Variants in NAA80 observed in about 807,000 individuals in gnomAD.
The protein encoded by NAA80 is N-alpha-acetyltransferase 80, NatH catalytic subunit.
Under a neutral mutation model 8.7 loss-of-function variants are expected in NAA80, and 5 were observed. The observed-to-expected ratio is 0.58, with a 90% CI of 0.30 to 1.21. The LOEUF (loss-of-function observed/expected upper bound fraction) is 1.21, where lower values mean the gene tolerates loss of function less well. Ranked by LOEUF, NAA80 falls within the 50% of genes most tolerant of loss-of-function variation. NAA80 has a pLI of 0.07. For synonymous variants in NAA80, 149 were observed against 156.6 expected, an observed-to-expected ratio of 0.95 and a Z score of 0.36; for missense variants, 360 against 368.6, an observed-to-expected ratio of 0.98 and a Z score of 0.19.
Position 50,296,620 on chromosome 3 carries a change from T to C in NAA80, c.844A>G (p.Met282Val), listed in dbSNP as rs370006421. ...QNVRGRPIFWMEKDI is the reference protein window; with the variant it reads ...QNVRGRPIFWVEKDI ...GGATGGCCTCAGATGTCTTTTTCCA[T>C]CCAGAATATGGGGCGCCCCCTCACA... is the stretch of plus-strand genomic sequence containing the variant. Residue 282 changes from methionine to valine, a missense_variant, in exon 2 of 2, where the codon ATG becomes GTG. Transcript: ENST00000443094. 39 of 1,613,848 alleles carry C rather than the reference T, an allele frequency of 2.4e-5. No individual in the cohort carries two copies. Among genetic ancestry groups the C allele is most frequent in the South Asian group, 4.4e-5 (4 of 91,076 alleles).
rs1701908363 is a variant in NAA80, at chr3:50,297,638, C to T, written c.-175G>A. On this transcript the variant is annotated 5_prime_UTR_variant, in exon 2 of 2. Coordinates refer to ENST00000443094, the MANE Select transcript of NAA80 (RefSeq NM_001200016.2). This position sits in a 1 kb window ranked among gnomAD's most constrained non-coding sequence, Gnocchi z 4.3. ...GGAGGTTAAGACCCCAGTCTCCAGG[C>T]AGTAGCATCTCTTCAGACCACAGTG... 6.9e-7 allele frequency: 1 copy of T among 1,451,358 alleles called. No individual in the cohort carries two copies. Among genetic ancestry groups the T allele is most frequent in the Non-Finnish European group, 9.0e-7 (1 of 1,107,642 alleles). 89.9% of individuals were successfully genotyped at this position (1,451,358 alleles called of 1,614,324 possible).
In NAA80 at chr3:50,297,349, T is replaced by G. The variant is rs587741919; in HGVS notation, c.115A>C (p.Thr39Pro). ...QPEMTFNPGP[T>P]ELTLDPEHQP... is the part of the protein sequence containing the mutation. ...TGTTCAGGATCCAGGGTAAGCTCAG[T>G]TGGACCAGGATTGAAGGTCATCTCT... Residue 39 changes from threonine to proline, a missense_variant, in exon 2 of 2, where the codon ACT (threonine) becomes CCT (proline). Coordinates refer to ENST00000443094, the MANE Select transcript of NAA80 (RefSeq NM_001200016.2). This position sits in a 1 kb window ranked among gnomAD's most constrained non-coding sequence, Gnocchi z 4.3. 3.7e-6 allele frequency: 6 copies of G among 1,611,630 alleles called. No homozygotes were observed. Among genetic ancestry groups the G allele is most frequent in the Non-Finnish European group, 5.1e-6 (6 of 1,178,672 alleles).
Position 50,299,344 on chromosome 3 carries a change from T to C in NAA80, c.-341A>G. On this transcript the variant is annotated 5_prime_UTR_variant, in exon 1 of 2. Transcript: ENST00000443094. ...CGGTGCGGCGGATGTTCTGCAGCCG[T>C]CGCGTCCTGCGGCACGCCACGGCGT... is the stretch of plus-strand genomic sequence containing the variant. 1.9e-6 allele frequency: 3 copies of C among 1,572,584 alleles called. No individual in the cohort carries two copies. The highest frequency in any genetic ancestry group is 2.6e-6 in the Non-Finnish European group (3 of 1,161,610).
In NAA80 at chr3:50,297,595, G is replaced by T; in HGVS notation, c.-132C>A. The T allele has an allele frequency of 6.7e-7, 1 of 1,488,676 alleles. No homozygotes were observed. The highest frequency in any genetic ancestry group is 2.4e-5 in the East Asian group (1 of 42,434). The allele number at this position is 1,488,676 out of a possible 1,614,324, so 92.2% of individuals were successfully genotyped here. On this transcript the variant is annotated 5_prime_UTR_variant, in exon 2 of 2. Coordinates refer to ENST00000443094, the MANE Select transcript of NAA80 (RefSeq NM_001200016.2). This position sits in a 1 kb window ranked among gnomAD's most constrained non-coding sequence, Gnocchi z 4.3. ...AAGGTCACCTGCTGCTAGGTTGCAG[G>T]TGGCTCAGTGCCAGGCTGGAGGTTA...
chr3:50,299,398 C>A lies in NAA80; in HGVS notation c.-395G>T. ...AAGGCCTCCCAGCACCCGCGCGTCG[C>A]CGCTTAGAACCCGCCCCTGGTTTGC... On this transcript the variant is annotated 5_prime_UTR_variant, in exon 1 of 2. Transcript: ENST00000443094. 7.5e-7 allele frequency: 1 copy of A among 1,331,462 alleles called. No homozygotes were observed. Among genetic ancestry groups the A allele is most frequent in the Non-Finnish European group, 1.0e-6 (1 of 975,490 alleles). The allele number at this position is 1,331,462 out of a possible 1,614,324, so 82.5% of individuals were successfully genotyped here.
intron 1 of NAA80, 185 bp downstream of exon 1, chr3:50,299,028 T>A (rs1391960940): frequency 2.0e-6 from 3 of 1,526,806 alleles, no homozygotes; most frequent in African/African-American, 2.7e-5. Flanking sequence ...TCCTAGTGGG[T>A]CACAGGCTGT....
Position 50,297,423 on chromosome 3 carries a change from A to C in NAA80, c.41T>G (p.Leu14Arg), listed in dbSNP as rs782213113. The C allele has an allele frequency of 6.2e-7, 1 of 1,613,012 alleles. No homozygotes were observed. Among genetic ancestry groups the C allele is most frequent in the South Asian group, 1.1e-5 (1 of 90,874 alleles). Residue 14 changes from leucine to arginine, a missense_variant, in exon 2 of 2, where the codon CTG becomes CGG. Physicochemically the swap from Leu to Arg is moderately radical, Grantham distance 102. Transcript: ENST00000443094. This position sits in a 1 kb window ranked among gnomAD's most constrained non-coding sequence, Gnocchi z 4.3. ...CAGCTTTGGCTGGCACGCAGGATCC[A>C]GAGTCAGCTCAGCTGGGCTGGTACT... ...ILSTSPAELTLDPACQPKLPL... is the reference protein window; with the variant it reads ...ILSTSPAELTRDPACQPKLPL...
Position 50,296,583 on chromosome 3 carries a change from G to A in NAA80, c.*20C>T. The A allele has an allele frequency of 6.2e-7, 1 of 1,612,344 alleles. No homozygotes were observed. Among genetic ancestry groups the A allele is most frequent in the Non-Finnish European group, 8.5e-7 (1 of 1,178,930 alleles). ...GGCAGTCTATTGAACCAGAAAGACA[G>A]TTCCTTGCCCTGGATGGCCTCAGAT... is the stretch of plus-strand genomic sequence containing the variant. On this transcript the variant is annotated 3_prime_UTR_variant, in exon 2 of 2. Transcript: ENST00000443094.
At chr3:50,298,896 G>A (rs1428927350) in intron 1 of NAA80, 3 of 1,343,238 alleles carry the variant, frequency 2.2e-6, no homozygotes, top group Admixed American at 3.2e-5. Context: ...CCCTAGGGCT[G>A]AGCCCGGGGC....
chr3:50,298,797 T>G, intron 1 of NAA80: 1 of 1,111,932 alleles, frequency 9.0e-7, no homozygotes, highest in Non-Finnish European at 1.1e-6. Flanking sequence ...TCCCACACCA[T>G]TCACAGGGCT....
chr3:50,298,777 T>G, intron 1 of NAA80: 5 of 1,067,112 alleles, frequency 4.7e-6, no homozygotes, highest in Non-Finnish European at 5.7e-6. Flanking sequence ...GGCACCCCCC[T>G]CCCCTCACCT....
At chr3:50,298,199 A>G in intron 1 of NAA80, 1 of 687,360 alleles carries the variant, frequency 1.5e-6, no homozygotes, top group Non-Finnish European at 1.8e-6. Context: ...TCTTCTCCCT[A>G]TGTTCCGAGT....
chr3:50,298,900 C>T (rs984779501), intron 1 of NAA80: 3 of 1,349,084 alleles, frequency 2.2e-6, no homozygotes, highest in Non-Finnish European at 2.9e-6. Context: ...AGGGCTGAGC[C>T]CGGGGCTTCC....
rs935729356 is a variant in NAA80 at position 50,299,355 on chromosome 3, G to A, written c.-352C>T. ...ATGTTCTGCAGCCGTCGCGTCCTGC[G>A]GCACGCCACGGCGTTCTAAGGCCTC... On this transcript the variant is annotated 5_prime_UTR_variant, in exon 1 of 2. Coordinates refer to ENST00000443094, the MANE Select transcript of NAA80 (RefSeq NM_001200016.2). The A allele has an allele frequency of 1.3e-5, 20 of 1,546,278 alleles. No homozygotes were observed. Among genetic ancestry groups the A allele is most frequent in the Non-Finnish European group, 1.7e-5 (20 of 1,146,344 alleles).
At position 50,296,944 on chromosome 3, in the gene NAA80, G is replaced by C. The variant is rs1553711309; in HGVS notation, c.520C>G (p.Leu174Val). 1 of 1,606,180 alleles carries C rather than the reference G, an allele frequency of 6.2e-7. No homozygotes were observed. Among genetic ancestry groups the C allele is most frequent in the Non-Finnish European group, 8.5e-7 (1 of 1,177,558 alleles). The change falls in exon 2 of 2, where the codon CTC (leucine) becomes GTC (valine). Residue 174 changes from leucine (L) to valine (V), a missense_variant. Transcript: ENST00000443094. ...AAGTGCACCTGGTCATGGGTGGTGAGATGCAGCTTGCGGAAGCCCCGGGCC... is the reference window on the plus strand; with the variant it reads ...AAGTGCACCTGGTCATGGGTGGTGACATGCAGCTTGCGGAAGCCCCGGGCC... ...ARARGFRKLH[L>V]TTHDQVHFYT...
chr3:50,297,294 A>T lies in NAA80; in HGVS notation c.170T>A (p.Leu57Gln). 1 of 1,603,970 alleles carries T rather than the reference A, an allele frequency of 6.2e-7. No homozygotes were observed. The highest frequency in any genetic ancestry group is 1.1e-5 in the South Asian group (1 of 90,072). Reference protein sequence around the residue: ...HQPEETPAPSLAELTLEPVHR... With the variant: ...HQPEETPAPSQAELTLEPVHR... ...CACAGGCTCCAGGGTCAACTCAGCC[A>T]GGCTAGGAGCTGGGGTCTCCTCTGG... is the stretch of plus-strand genomic sequence containing the variant. The change falls in exon 2 of 2, where the codon CTG becomes CAG. Residue 57 changes from leucine to glutamine, a missense_variant. Transcript: ENST00000443094. This position sits in a 1 kb window ranked among gnomAD's most constrained non-coding sequence, Gnocchi z 4.3.
intron 1 of NAA80, chr3:50,298,837 T>A: frequency 8.2e-7 from 1 of 1,213,696 alleles, no homozygotes; most frequent in Non-Finnish European, 1.0e-6. Context: ...CAGCCACCTC[T>A]GCAGCAGCCG....
Position 50,296,944 on chromosome 3 carries a change from G to GTC in NAA80, c.519_520insGA (p.Leu174AspfsTer55). On this transcript the variant is annotated frameshift_variant, in exon 2 of 2. Coordinates refer to ENST00000443094, the MANE Select transcript of NAA80 (RefSeq NM_001200016.2). LOFTEE classifies it low-confidence loss of function (END_TRUNC). Reference sequence around the variant, plus strand: ...AAGTGCACCTGGTCATGGGTGGTGAGATGCAGCTTGCGGAAGCCCCGGGCC... The same window carrying GTC: ...AAGTGCACCTGGTCATGGGTGGTGAGTCATGCAGCTTGCGGAAGCCCCGGGCC... 1 of 1,606,298 alleles carries GTC rather than the reference G, an allele frequency of 6.2e-7. No homozygotes were observed. Among genetic ancestry groups the GTC allele is most frequent in the Middle Eastern group, 1.7e-4 (1 of 5,978 alleles).
chr3:50,299,264 G>A lies in NAA80; in HGVS notation c.-261C>T. 1.9e-6 allele frequency: 3 copies of A among 1,613,902 alleles called. No homozygotes were observed. The highest frequency in any genetic ancestry group is 2.2e-5 in the East Asian group (1 of 44,876). On this transcript the variant is annotated 5_prime_UTR_variant, in exon 1 of 2. Coordinates refer to ENST00000443094, the MANE Select transcript of NAA80 (RefSeq NM_001200016.2). ...CCGCGTCCTAGCTCCGCACAGCTGGGTATCTCACTCAGTCGCCACCTCGGA... is the reference window on the plus strand; with the variant it reads ...CCGCGTCCTAGCTCCGCACAGCTGGATATCTCACTCAGTCGCCACCTCGGA...
Sources: allele counts gnomAD v4.1 joint callset, GRCh38; gene constraint gnomAD v4.1.1; non-coding constraint Gnocchi (gnomAD v3.1); transcripts MANE v1.5; gene names NCBI Gene and HGNC (gene_info 2026-07-23, HGNC 2026-07-21).